ENOX1: variants seen among roughly 807,000 people sequenced by gnomAD.
The protein encoded by ENOX1 is ecto-NOX disulfide-thiol exchanger 1.
ENOX1 carries 42 observed loss-of-function variants against 82.5 expected under a neutral mutation model. The observed-to-expected ratio is 0.51, with a 90% CI of 0.40 to 0.66. ENOX1 has a LOEUF of 0.66. Among genes scored for constraint, ENOX1 ranks in the 30% least tolerant of loss-of-function variants. The probability of loss-of-function intolerance (pLI) is 0.00; values close to 1 mark genes in which losing one functional copy is unlikely to be tolerated. For synonymous variants in ENOX1, 271 were observed against 282.2 expected (o/e 0.96, Z 0.40); for missense variants, 608 against 811.6 (o/e 0.75, Z 3.05).
chr13:43,644,840 T>C lies in ENOX1; in HGVS notation c.-219+22639A>G, dbSNP rs192285076. ...TACACCAACCCAGGCAGAACATGGA[T>C]CCTTGCTCTTCCAACATTTACAGTA... On this transcript the variant is annotated intron_variant, in intron 2 of 16. Coordinates refer to ENST00000690772, the MANE Select transcript of ENOX1 (RefSeq NM_001347969.2). 9.2e-5 allele frequency among the ~76,000 whole-genome samples: 14 copies of C among 152,294 alleles called. No homozygotes were observed. The East Asian group carries it at 2.7e-3, about 29-fold the overall frequency.
At chr13:43,332,840 G>A (rs765604639) in intron 9 of ENOX1, among the ~76,000 whole-genome samples, 20 of 151,748 alleles carry the variant, frequency 1.3e-4, no homozygotes, top group Non-Finnish European at 2.4e-4. Flanking sequence ...TGAAAGTAAT[G>A]TATATACAGA....
At chr13:43,439,421 C>T (rs558993749) in intron 3 of ENOX1, among the ~76,000 whole-genome samples, 1 of 152,102 alleles carries the variant, frequency 6.6e-6, no homozygotes, top group African/African-American at 2.4e-5. Flanking sequence ...AGGCTGGTCT[C>T]GAGCTCCTGA....
chr13:43,602,004 A>C (rs1823503731), intron 2 of ENOX1, among the ~76,000 whole-genome samples: 1 of 152,172 alleles, frequency 6.6e-6, no homozygotes. Context: ...CTATACAAAC[A>C]CATGGAAATT....
chr13:43,656,286 T>C (rs1327535072), intron 2 of ENOX1, among the ~76,000 whole-genome samples: 10 of 152,236 alleles, frequency 6.6e-5, no homozygotes, highest in Admixed American at 6.5e-4. Context: ...CTTTTGCAAG[T>C]ATTTGCAATT....
At chr13:43,603,231 T>C (rs184768608) in intron 2 of ENOX1, among the ~76,000 whole-genome samples, 8 of 152,182 alleles carry the variant, frequency 5.3e-5, no homozygotes, top group Admixed American at 1.3e-4. Flanking sequence ...CAATATGTCA[T>C]GCTATATTGT....
At chr13:43,586,493 G>A (rs1415274107) in intron 2 of ENOX1, among the ~76,000 whole-genome samples, 2 of 152,106 alleles carry the variant, frequency 1.3e-5, no homozygotes, top group Non-Finnish European at 2.9e-5. Context: ...TAAACCAACT[G>A]TGTTGGCGGG....
intron 3 of ENOX1, among the ~76,000 whole-genome samples, chr13:43,470,307 CAT>C (rs35765969): frequency 0.082 from 3,463 of 42,456 alleles, 690 homozygotes; most frequent in South Asian, 0.24. Flanking sequence ...CATATATATA[CAT>C]ATATATACAC....
rs115864715 is a variant in ENOX1 at position 43,588,068 on chromosome 13, C to T, written c.-219+79411G>A. Among the ~76,000 whole-genome samples, 1,408 of 152,198 alleles carry T rather than the reference C, an allele frequency of 9.3e-3. 27 individuals carry two copies. Among genetic ancestry groups the T allele is most frequent in the African/African-American group, 0.032 (1,350 of 41,544 alleles). ...CCCAAATTATGCTTCTGAAGTGAAA[C>T]GGGATAAGCTTAGCAAAAAATTTCA... On this transcript the variant is annotated intron_variant, in intron 2 of 16. Coordinates refer to ENST00000690772, the MANE Select transcript of ENOX1 (RefSeq NM_001347969.2).
At chr13:43,644,427 AT>A (rs1381588848) in intron 2 of ENOX1, among the ~76,000 whole-genome samples, 98 of 152,320 alleles carry the variant, frequency 6.4e-4, no homozygotes, top group African/African-American at 2.3e-3. Flanking sequence ...TGAGCTTTTG[AT>A]ATCCATGGGA....
At chr13:43,337,717 T>G (rs1001954278) in intron 9 of ENOX1, among the ~76,000 whole-genome samples, 4 of 152,110 alleles carry the variant, frequency 2.6e-5, no homozygotes, top group African/African-American at 9.7e-5. Flanking sequence ...TTTACATTTA[T>G]AATATTCTTA....
chr13:43,517,267 C>T (rs572201476), intron 2 of ENOX1, among the ~76,000 whole-genome samples: 86 of 152,144 alleles, frequency 5.7e-4, no homozygotes, highest in African/African-American at 1.8e-3. Flanking sequence ...GAGGCCGAGG[C>T]GGGTGGATCA....
intron 5 of ENOX1, among the ~76,000 whole-genome samples, chr13:43,398,304 G>A (rs947303143): frequency 1.3e-5 from 2 of 152,122 alleles, no homozygotes; most frequent in Non-Finnish European, 2.9e-5. Flanking sequence ...TCGTAAGTAA[G>A]ACCACAGAAA....
At position 43,625,034 on chromosome 13, in the gene ENOX1, T is replaced by C. The variant is rs562768260; in HGVS notation, c.-219+42445A>G. Among the ~76,000 whole-genome samples, 4 of 152,192 alleles carry C rather than the reference T, an allele frequency of 2.6e-5. No homozygotes were observed. The East Asian group carries it at 7.7e-4, about 29-fold the overall frequency. On this transcript the variant is annotated intron_variant, in intron 2 of 16. Coordinates refer to ENST00000690772, the MANE Select transcript of ENOX1 (RefSeq NM_001347969.2). ...TATGTCTCTTTGTTTACTTAAATCC[T>C]TTTTATTTCTTTCATCAGTATTGTA...
intron 7 of ENOX1, among the ~76,000 whole-genome samples, chr13:43,357,981 T>C (rs535708591): frequency 9.2e-5 from 14 of 152,256 alleles, no homozygotes; most frequent in African/African-American, 3.4e-4. Context: ...AGGAGGCTCC[T>C]CTGCACCCAG....
intron 5 of ENOX1, among the ~76,000 whole-genome samples, chr13:43,393,989 T>C (rs2052972539): frequency 6.6e-6 from 1 of 152,132 alleles, no homozygotes; most frequent in African/African-American, 2.4e-5. Context: ...TCTCTCTTGT[T>C]CCCTCTCTTG....
At chr13:43,640,343 G>T (rs1386464318) in intron 2 of ENOX1, among the ~76,000 whole-genome samples, 2 of 152,052 alleles carry the variant, frequency 1.3e-5, no homozygotes, top group Non-Finnish European at 2.9e-5. Context: ...GAACATTTTT[G>T]AAAACAAGAT....
At chr13:43,695,390 G>C (rs2086581873) in intron 1 of ENOX1, among the ~76,000 whole-genome samples, 1 of 151,110 alleles carries the variant, frequency 6.6e-6, no homozygotes, top group Non-Finnish European at 1.5e-5. Context: ...GCTCACCTTG[G>C]TTCAACAAAA....
chr13:43,466,824 C>A (rs1394262782), intron 3 of ENOX1, among the ~76,000 whole-genome samples: 1 of 152,140 alleles, frequency 6.6e-6, no homozygotes, highest in African/African-American at 2.4e-5. Context: ...TCCCTTATAA[C>A]CACTACTCAA....
chr13:43,698,195 A>G (rs928296013), intron 1 of ENOX1, among the ~76,000 whole-genome samples: 1 of 152,182 alleles, frequency 6.6e-6, no homozygotes, highest in African/African-American at 2.4e-5. Context: ...TTACTTTACC[A>G]TATCCAACAG....
Sources: gnomAD v4.1 joint callset for allele counts (sites outside exome capture counted in the v4.1 genomes callset) on GRCh38, gnomAD v4.1.1 for gene constraint, MANE v1.5 for transcripts, NCBI Gene and HGNC (gene_info 2026-07-23, HGNC 2026-07-21) for gene names.